CAP2: variants seen among roughly 807,000 people sequenced by gnomAD.
CAP2 encodes the protein adenylyl cyclase-associated protein 2.
In CAP2, 24 loss-of-function variants were observed where a neutral mutation model predicts 57.7. The ratio of observed to expected loss-of-function variants is 0.42; its 90% CI spans 0.30 to 0.58. The LOEUF is 0.58. CAP2 is among the 20% of genes least tolerant of loss of function. The pLI, the probability that CAP2 is intolerant of heterozygous loss-of-function variation, is 0.22. For missense variants in CAP2, 501 were observed against 590.3 expected, an observed-to-expected ratio of 0.85 and a Z score of 1.57; for synonymous variants, 194 against 207.2, an observed-to-expected ratio of 0.94 and a Z score of 0.55.
intron 3 of CAP2, among the ~76,000 whole-genome samples, chr6:17,440,438 A>G (rs1760037245): frequency 6.6e-6 from 1 of 151,660 alleles, no homozygotes; most frequent in East Asian, 1.9e-4. Context: ...TTTTCAGTAT[A>G]TAGTTATTTG....
At chr6:17,421,312 C>A (rs971229282) in intron 1 of CAP2, among the ~76,000 whole-genome samples, 16 of 152,066 alleles carry the variant, frequency 1.1e-4, no homozygotes, top group Non-Finnish European at 1.2e-4. Context: ...ATGGGTGTAT[C>A]CAAACCTCAG....
intron 4 of CAP2, among the ~76,000 whole-genome samples, chr6:17,483,777 A>G (rs193018531): frequency 5.3e-5 from 8 of 152,186 alleles, no homozygotes; most frequent in Admixed American, 3.3e-4. Context: ...CGTGGCTGAC[A>G]GGGGTGTTTT....
chr6:17,493,934 A>G (rs973014921), intron 4 of CAP2, among the ~76,000 whole-genome samples: 1 of 151,980 alleles, frequency 6.6e-6, no homozygotes, highest in African/African-American at 2.4e-5. Context: ...CATTTCCCCC[A>G]TCTCAGTTGA....
intron 4 of CAP2, among the ~76,000 whole-genome samples, chr6:17,476,364 C>A (rs1761150508): frequency 1.3e-5 from 2 of 152,106 alleles, no homozygotes; most frequent in Non-Finnish European, 2.9e-5. Context: ...TTTTATTTGA[C>A]TCTTTAGAAT....
intron 3 of CAP2, among the ~76,000 whole-genome samples, chr6:17,444,003 A>G (rs889835403): frequency 3.3e-5 from 5 of 152,198 alleles, no homozygotes; most frequent in Non-Finnish European, 5.9e-5. Context: ...TTTTAAAAAA[A>G]TATTTTAAAT....
In CAP2 at chr6:17,505,841, C is replaced by T. The variant is rs190165243; in HGVS notation, c.301-1328C>T. ...TGTGGTATTCTGGAGAATCTAGCTC[C>T]GAGATACTTTATAACTCAGCTCATG... On this transcript the variant is annotated intron_variant, in intron 4 of 12. Coordinates refer to ENST00000229922, the MANE Select transcript of CAP2 (RefSeq NM_006366.3). Among the ~76,000 whole-genome samples the T allele has an allele frequency of 6.8e-4, 104 of 152,202 alleles. 1 individual carries two copies. The East Asian group carries it at 0.019, about 28-fold the overall frequency.
intron 1 of CAP2, among the ~76,000 whole-genome samples, chr6:17,405,575 T>C (rs899273461): frequency 2.0e-5 from 3 of 152,048 alleles, no homozygotes; most frequent in Non-Finnish European, 2.9e-5. Flanking sequence ...GGACCATTGT[T>C]GACCATGGGT....
chr6:17,475,268 G>A (rs1311805997), intron 4 of CAP2, among the ~76,000 whole-genome samples: 2 of 152,036 alleles, frequency 1.3e-5, no homozygotes, highest in Non-Finnish European at 2.9e-5. Context: ...GAGTGAAGGA[G>A]GGACATTGTC....
At chr6:17,433,885 C>T (rs906418692) in intron 3 of CAP2, among the ~76,000 whole-genome samples, 2 of 152,152 alleles carry the variant, frequency 1.3e-5, no homozygotes, top group Non-Finnish European at 2.9e-5. Flanking sequence ...GCATACAATC[C>T]TCATCTATCT....
chr6:17,507,824 G>A, intron 6 of CAP2, 98 bp downstream of exon 6: 2 of 719,212 alleles, frequency 2.8e-6, no homozygotes, highest in Admixed American at 2.0e-5. Flanking sequence ...CCTTTCCAAG[G>A]CTCTACACTA....
chr6:17,438,138 T>C (rs961972397), intron 3 of CAP2, among the ~76,000 whole-genome samples: 1 of 146,820 alleles, frequency 6.8e-6, no homozygotes, highest in South Asian at 2.1e-4. Flanking sequence ...GAGGCCAAGG[T>C]GGGCGGATCA....
At chr6:17,440,084 G>C (rs1051012301) in intron 3 of CAP2, among the ~76,000 whole-genome samples, 1 of 151,528 alleles carries the variant, frequency 6.6e-6, no homozygotes, top group Non-Finnish European at 1.5e-5. Context: ...TATTGGAATC[G>C]GTTAAAATTA....
At chr6:17,556,270 C>T in intron 12 of CAP2, 89 bp from the exon 13 acceptor site, 1 of 894,026 alleles carries the variant, frequency 1.1e-6, no homozygotes. Context: ...TGGCACAAAT[C>T]AGCCTCACCA....
intron 3 of CAP2, among the ~76,000 whole-genome samples, chr6:17,429,897 A>G (rs1255832573): frequency 1.3e-5 from 2 of 152,226 alleles, no homozygotes; most frequent in Admixed American, 1.3e-4. Flanking sequence ...TGTCATTGGC[A>G]TTAAGCTTGC....
At position 17,436,086 on chromosome 6, in the gene CAP2, T is replaced by TTTCTTTCTTTCCTTCC. The variant is rs778187025; in HGVS notation, c.222+9399_222+9400insTTTCTTTCCTTCCTTC. 3.2e-4 allele frequency among the ~76,000 whole-genome samples: 43 copies of TTTCTTTCTTTCCTTCC among 133,904 alleles called. 1 individual carries two copies. Among genetic ancestry groups the TTTCTTTCTTTCCTTCC allele is most frequent in the South Asian group, 7.5e-4 (3 of 3,996 alleles). 87.8% of individuals were successfully genotyped at this position (133,904 alleles called of 152,430 possible). On this transcript the variant is annotated intron_variant, in intron 3 of 12. Coordinates refer to ENST00000229922, the MANE Select transcript of CAP2 (RefSeq NM_006366.3). ...TAAGGAATCTTTCTTTCTTTCTTTC[T>TTTCTTTCTTTCCTTCC]TTCCTTCCTTCCTTCCTTCCTTCCT...
At chr6:17,441,438 A>G (rs996457304) in intron 3 of CAP2, among the ~76,000 whole-genome samples, 1 of 151,654 alleles carries the variant, frequency 6.6e-6, no homozygotes, top group Non-Finnish European at 1.5e-5. Context: ...TTGTATGTAC[A>G]CAGTACATAG....
chr6:17,433,719 C>T (rs1195444704), intron 3 of CAP2, among the ~76,000 whole-genome samples: 3 of 152,310 alleles, frequency 2.0e-5, no homozygotes, highest in Admixed American at 6.5e-5. Context: ...CCTCTGTTAC[C>T]GTGTCTTCCC....
At chr6:17,426,857 C>T (rs542816429) in intron 3 of CAP2, among the ~76,000 whole-genome samples, 167 bp downstream of exon 3, 5 of 152,216 alleles carry the variant, frequency 3.3e-5, no homozygotes, top group African/African-American at 9.6e-5. Flanking sequence ...TTTAATTGTT[C>T]CTGCAAGGCC....
At chr6:17,443,443 A>G (rs1316397160) in intron 3 of CAP2, among the ~76,000 whole-genome samples, 1 of 152,150 alleles carries the variant, frequency 6.6e-6, no homozygotes, top group Non-Finnish European at 1.5e-5. Flanking sequence ...AGACTTCGAG[A>G]TAACTCTGTT....
Sources: allele counts gnomAD v4.1 joint callset (sites outside exome capture counted in the v4.1 genomes callset), GRCh38; gene constraint gnomAD v4.1.1; transcripts MANE v1.5; gene names NCBI Gene and HGNC (gene_info 2026-07-23, HGNC 2026-07-21).